Variants in CYRIA observed in about 807,000 individuals in gnomAD.
CYRIA encodes CYFIP-related Rac1 interactor A.
In CYRIA, 15 loss-of-function variants were observed where a neutral mutation model predicts 43.9. The ratio of observed to expected loss-of-function variants is 0.34; its 90% CI spans 0.23 to 0.53. CYRIA has a LOEUF of 0.53. CYRIA is among the 20% of genes least tolerant of loss of function. The pLI, the probability that CYRIA is intolerant of heterozygous loss-of-function variation, is 0.94. For synonymous variants in CYRIA, 117 were observed against 136.0 expected (o/e 0.86, Z 0.97); for missense variants, 236 against 394.2 (o/e 0.60, Z 3.40).
chr2:16,555,026 A>G, intron 11 of CYRIA, 43 bp downstream of exon 11: 1 of 1,555,988 alleles, frequency 6.4e-7, no homozygotes, highest in Non-Finnish European at 8.8e-7. Context: ...TGGCCCTGAA[A>G]GGCTGGCTGT....
At chr2:16,633,212 T>G (rs1669379925) in intron 1 of CYRIA, among the ~76,000 whole-genome samples, 1 of 152,140 alleles carries the variant, frequency 6.6e-6, no homozygotes, top group Non-Finnish European at 1.5e-5. Context: ...TGCCCTGCCT[T>G]GCAGCCTAGA....
chr2:16,651,301 C>G (rs1669970096), intron 1 of CYRIA, among the ~76,000 whole-genome samples: 1 of 152,218 alleles, frequency 6.6e-6, no homozygotes, highest in South Asian at 2.1e-4. Flanking sequence ...CCTTCTTATA[C>G]TGTCATATCA....
At chr2:16,587,130 C>T (rs1435364844) in intron 3 of CYRIA, among the ~76,000 whole-genome samples, 1 of 151,902 alleles carries the variant, frequency 6.6e-6, no homozygotes, top group Non-Finnish European at 1.5e-5. Flanking sequence ...ATGTCAAAAT[C>T]CTGAAGTGGT....
intron 9 of CYRIA, chr2:16,560,752 C>A (rs1182214609): frequency 1.9e-6 from 1 of 540,176 alleles, no homozygotes; most frequent in East Asian, 3.2e-5. Flanking sequence ...GGTTCTGCCA[C>A]CTGACAAGCT....
intron 1 of CYRIA, among the ~76,000 whole-genome samples, chr2:16,631,078 C>A (rs566842543): frequency 7.0e-4 from 107 of 152,338 alleles, no homozygotes; most frequent in African/African-American, 2.5e-3. Flanking sequence ...TTTAGTCAGT[C>A]ACTACTGTCA....
At position 16,550,493 on chromosome 2, in the gene CYRIA, C is replaced by G. The variant is rs1359724292; in HGVS notation, c.*2443G>C. Reference sequence around the variant, plus strand: ...AGTAATCAGAGACAACAATTCAGACCCTGGACTTCTCAGAATCCATGTACT... The same window carrying G: ...AGTAATCAGAGACAACAATTCAGACGCTGGACTTCTCAGAATCCATGTACT... On this transcript the variant is annotated 3_prime_UTR_variant, in exon 12 of 12. Transcript: ENST00000381323. 1 of 152,046 alleles carries G rather than the reference C, an allele frequency of 6.6e-6. No individual in the cohort carries two copies. The highest frequency in any genetic ancestry group is 1.5e-5 in the Non-Finnish European group (1 of 67,992). 9.4% of individuals were successfully genotyped at this position (152,046 alleles called of 1,614,324 possible). A position where few individuals can be genotyped will look rare whatever the true frequency, so the allele number is the denominator to read the frequency against.
Position 16,561,448 on chromosome 2 carries a change from G to A in CYRIA, c.513+8C>T. 1 of 1,613,244 alleles carries A rather than the reference G, an allele frequency of 6.2e-7. No homozygotes were observed. Among genetic ancestry groups the A allele is most frequent in the South Asian group, 1.1e-5 (1 of 91,068 alleles). On this transcript the variant is annotated splice_region_variant and intron_variant, in intron 7 of 11. Transcript: ENST00000381323. ...GGGTGCAAAGGTCAAGGCGACCCAG[G>A]GACTCACGTGCATGTTGTTGATGCG...
intron 3 of CYRIA, among the ~76,000 whole-genome samples, chr2:16,582,313 G>T (rs1199983602): frequency 6.6e-6 from 1 of 152,118 alleles, no homozygotes; most frequent in African/African-American, 2.4e-5. Context: ...TCTTCCAAAA[G>T]AATCCTTTTT....
intron 10 of CYRIA, among the ~76,000 whole-genome samples, chr2:16,556,392 G>GAGAT (rs1666525391): frequency 6.6e-6 from 1 of 152,134 alleles, no homozygotes; most frequent in African/African-American, 2.4e-5. Flanking sequence ...CAGGGATGCA[G>GAGAT]AGATTCTGTC....
intron 2 of CYRIA, among the ~76,000 whole-genome samples, chr2:16,600,354 G>A (rs548723548): frequency 9.2e-5 from 14 of 152,228 alleles, no homozygotes; most frequent in African/African-American, 2.2e-4. Context: ...CCTATCCCAC[G>A]AAAAGGCAAT....
At chr2:16,611,169 A>G (rs1433028839) in intron 2 of CYRIA, among the ~76,000 whole-genome samples, 2 of 150,654 alleles carry the variant, frequency 1.3e-5, no homozygotes, top group Non-Finnish European at 3.0e-5. Context: ...ACCATCCTTC[A>G]CAACATGGTG....
rs1666484184 is a variant in CYRIA, at chr2:16,555,711, T to C, written c.838-572A>G. On this transcript the variant is annotated intron_variant, in intron 10 of 11. Coordinates refer to ENST00000381323, the MANE Select transcript of CYRIA (RefSeq NM_030797.4). Reference sequence around the variant, plus strand: ...TAGGTAGAAGCAACCAACACCTTTCTGTGCTCCCAATACGACTCTGTCATT... The same window carrying C: ...TAGGTAGAAGCAACCAACACCTTTCCGTGCTCCCAATACGACTCTGTCATT... 3.3e-5 allele frequency among the ~76,000 whole-genome samples: 5 copies of C among 152,144 alleles called. No homozygotes were observed. In the South Asian group the frequency reaches 1.0e-3, roughly 31 times the overall value.
intron 1 of CYRIA, among the ~76,000 whole-genome samples, chr2:16,631,084 T>C (rs1669318473): frequency 1.3e-5 from 2 of 152,130 alleles, no homozygotes; most frequent in South Asian, 4.1e-4. Flanking sequence ...CAGTCACTAC[T>C]GTCAGATCCT....
At chr2:16,612,336 A>AGAAG (rs936460731) in intron 2 of CYRIA, among the ~76,000 whole-genome samples, 3 of 151,966 alleles carry the variant, frequency 2.0e-5, no homozygotes, top group Admixed American at 6.6e-5. Context: ...GAGGATAGGA[A>AGAAG]GAAGGAAGGA....
At chr2:16,578,301 C>A (rs1164117558) in intron 3 of CYRIA, among the ~76,000 whole-genome samples, 1 of 152,162 alleles carries the variant, frequency 6.6e-6, no homozygotes, top group Non-Finnish European at 1.5e-5. Flanking sequence ...ACGTATTATT[C>A]ACATCAGTCA....
chr2:16,599,527 G>A (rs1171805450), intron 2 of CYRIA, among the ~76,000 whole-genome samples: 2 of 126,194 alleles, frequency 1.6e-5, no homozygotes, highest in Non-Finnish European at 3.3e-5. Context: ...TCTTTGACTC[G>A]GAAAGGGAAC....
intron 3 of CYRIA, among the ~76,000 whole-genome samples, chr2:16,576,015 C>T (rs1667333632): frequency 6.6e-6 from 1 of 152,134 alleles, no homozygotes; most frequent in Admixed American, 6.5e-5. Flanking sequence ...GCCTCCCTAG[C>T]CAAATGGAAC....
rs555849095 is a variant in CYRIA, at chr2:16,564,489, T to C, written c.193-395A>G. Among the ~76,000 whole-genome samples the C allele has an allele frequency of 9.2e-5, 14 of 152,332 alleles. No individual in the cohort carries two copies. In the East Asian group the frequency reaches 2.7e-3, roughly 29 times the overall value. On this transcript the variant is annotated intron_variant, in intron 4 of 11. Transcript: ENST00000381323. ...TAGGTATTGCATTCCTGCCAGTTTG[T>C]CATGTTACCTAAATTGTATAAATTA...
chr2:16,631,399 T>C (rs1052975588), intron 1 of CYRIA, among the ~76,000 whole-genome samples: 5 of 152,122 alleles, frequency 3.3e-5, no homozygotes, highest in African/African-American at 1.2e-4. Context: ...ATACAGTGAG[T>C]AGATGAGTGG....
Sources: gnomAD v4.1 joint callset for allele counts (sites outside exome capture counted in the v4.1 genomes callset) on GRCh38, gnomAD v4.1.1 for gene constraint, MANE v1.5 for transcripts, NCBI Gene and HGNC (gene_info 2026-07-23, HGNC 2026-07-21) for gene names.